The following RBFOX1 variants were observed in gnomAD, a reference collection of about 807,000 sequenced individuals.
The protein encoded by RBFOX1 is RNA binding fox-1 homolog 1.
A neutral mutation model predicts 57.7 loss-of-function variants in RBFOX1; 8 were observed. That is an observed-to-expected ratio of 0.14 (90% CI 0.08 to 0.25). RBFOX1 has a LOEUF of 0.25. Among genes scored for constraint, RBFOX1 ranks in the 10% least tolerant of loss-of-function variants. The pLI is 1.00. For missense variants in RBFOX1, 611 were observed against 548.5 expected (o/e 1.11, Z -1.14); for synonymous variants, 326 against 222.4 (o/e 1.47, Z -4.15).
In RBFOX1 at chr16:7,338,739, A is replaced by G. The variant is rs1025425413; in HGVS notation, c.28-179408A>G. Reference sequence around the variant, plus strand: ...ATAGAAACATCGGCCTTAACAATGGACAGAGAGTAACCATCCTTATAGAAA... The same window carrying G: ...ATAGAAACATCGGCCTTAACAATGGGCAGAGAGTAACCATCCTTATAGAAA... On this transcript the variant is annotated intron_variant, in intron 4 of 15. Transcript: ENST00000550418. Among the ~76,000 whole-genome samples, 44 of 152,216 alleles carry G rather than the reference A, an allele frequency of 2.9e-4. 1 individual carries two copies. The highest frequency in any genetic ancestry group is 2.2e-4 in the Non-Finnish European group (15 of 68,042).
chr16:6,257,561 C>G (rs546700578), intron 1 of RBFOX1, among the ~76,000 whole-genome samples: 4 of 152,156 alleles, frequency 2.6e-5, no homozygotes, highest in Non-Finnish European at 5.9e-5. Flanking sequence ...TTTCCTGATC[C>G]TCTCCCACTT....
At chr16:6,678,147 G>T (rs774796658) in intron 3 of RBFOX1, among the ~76,000 whole-genome samples, 2 of 152,106 alleles carry the variant, frequency 1.3e-5, no homozygotes, top group African/African-American at 2.4e-5. Flanking sequence ...TGTTTGAGAC[G>T]GAGTCTCGCT....
intron 1 of RBFOX1, among the ~76,000 whole-genome samples, chr16:6,051,600 A>C (rs1249056192): frequency 6.6e-6 from 1 of 151,938 alleles, no homozygotes; most frequent in East Asian, 1.9e-4. Flanking sequence ...AGTCTCTGTC[A>C]CCCAGACTGC....
intron 2 of RBFOX1, among the ~76,000 whole-genome samples, chr16:5,500,191 C>G (rs1473117336): frequency 8.2e-6 from 1 of 121,290 alleles, no homozygotes; most frequent in African/African-American, 5.5e-5. Context: ...CTCCCTCCCT[C>G]CCTTCATTCC....
chr16:5,634,301 T>C (rs1460877473), intron 3 of RBFOX1, among the ~76,000 whole-genome samples: 2 of 152,226 alleles, frequency 1.3e-5, no homozygotes, highest in African/African-American at 4.8e-5. Context: ...TATTTTCACT[T>C]TCTCCATACT....
At chr16:7,394,221 GC>G (rs2098098962) in intron 4 of RBFOX1, among the ~76,000 whole-genome samples, 1 of 96,528 alleles carries the variant, frequency 1.0e-5, no homozygotes, top group South Asian at 3.8e-4. Context: ...GGGCAACAGA[GC>G]AAGACTCCGC....
At chr16:7,124,661 T>G (rs1350482089) in intron 4 of RBFOX1, among the ~76,000 whole-genome samples, 1 of 150,686 alleles carries the variant, frequency 6.6e-6, no homozygotes, top group Non-Finnish European at 1.5e-5. Flanking sequence ...ACATTCTACC[T>G]AAAAACGTGA....
chr16:5,752,975 G>C (rs989747829), intron 3 of RBFOX1, among the ~76,000 whole-genome samples: 4 of 152,026 alleles, frequency 2.6e-5, no homozygotes, highest in East Asian at 1.9e-4. Context: ...AACATAGTGA[G>C]ACCTCATCAC....
intron 3 of RBFOX1, among the ~76,000 whole-genome samples, chr16:6,808,495 T>C (rs1347455590): frequency 1.3e-5 from 2 of 152,040 alleles, no homozygotes; most frequent in Admixed American, 1.3e-4. Flanking sequence ...AGATGGAAAA[T>C]AAAACAGCAC....
intron 12 of RBFOX1, among the ~76,000 whole-genome samples, chr16:7,655,753 T>C (rs1215082313): frequency 4.6e-5 from 7 of 152,152 alleles, no homozygotes; most frequent in Non-Finnish European, 5.9e-5. Context: ...GTTGAAGGGT[T>C]TTAGTATATC....
intron 3 of RBFOX1, among the ~76,000 whole-genome samples, chr16:7,012,359 C>G (rs949753817): frequency 1.3e-5 from 2 of 152,154 alleles, no homozygotes; most frequent in Non-Finnish European, 2.9e-5. Context: ...CAGGTCTCTT[C>G]AATTCCATCA....
chr16:6,594,203 G>C (rs2097754740), intron 2 of RBFOX1, among the ~76,000 whole-genome samples: 1 of 152,052 alleles, frequency 6.6e-6, no homozygotes, highest in Admixed American at 6.5e-5. Flanking sequence ...TGCCCAGGAA[G>C]GTGCTTCCAG....
rs572526307 is a variant in RBFOX1 at position 7,068,681 on chromosome 16, G to A, written c.27+16583G>A. Among the ~76,000 whole-genome samples, 169 of 152,190 alleles carry A rather than the reference G, an allele frequency of 1.1e-3. 1 individual carries two copies. The highest frequency in any genetic ancestry group is 3.8e-3 in the African/African-American group (159 of 41,532). On this transcript the variant is annotated intron_variant, in intron 4 of 15. Coordinates refer to ENST00000550418, the MANE Select transcript of RBFOX1 (RefSeq NM_018723.4). The stretch of plus-strand genomic sequence containing the variant: ...AGTTCATTGCAACCTCTGCCCCTCC[G>A]GGTTCAGGAGATTCTCCTGTCTCAG...
intron 1 of RBFOX1, chr16:6,090,199 T>C (rs1380855619): frequency 6.6e-6 from 1 of 152,310 alleles, no homozygotes; most frequent in East Asian, 1.9e-4. Flanking sequence ...TTCTAGGTTT[T>C]AAGGAGACTT....
chr16:5,319,850 C>T (rs2064353453), intron 1 of RBFOX1, among the ~76,000 whole-genome samples: 1 of 152,194 alleles, frequency 6.6e-6, no homozygotes, highest in Non-Finnish European at 1.5e-5. Context: ...ACATCATGCT[C>T]TGGGTCCTGG....
intron 3 of RBFOX1, among the ~76,000 whole-genome samples, chr16:6,749,343 C>T (rs2074441546): frequency 6.6e-6 from 1 of 152,174 alleles, no homozygotes; most frequent in African/African-American, 2.4e-5. Flanking sequence ...CACACAGCGC[C>T]TGGTTCAAAG....
At position 5,425,796 on chromosome 16, in the gene RBFOX1, C is replaced by T. The variant is rs150392335; in HGVS notation, c.220-41420C>T. Reference sequence around the variant, plus strand: ...CTTCCAGATCACCTGGAACCCCCCACGTCCCTGAAAGCTGGGCTTGGCGAG... The same window carrying T: ...CTTCCAGATCACCTGGAACCCCCCATGTCCCTGAAAGCTGGGCTTGGCGAG... On this transcript the variant is annotated intron_variant, in intron 1 of 2. Transcript: ENST00000585867. Among the ~76,000 whole-genome samples, 435 of 152,266 alleles carry T rather than the reference C, an allele frequency of 2.9e-3. 6 individuals carry two copies. Among genetic ancestry groups the T allele is most frequent in the Admixed American group, 0.026 (391 of 15,294 alleles).
chr16:5,259,159 T>C (rs1044847745), intron 1 of RBFOX1, among the ~76,000 whole-genome samples: 13 of 151,886 alleles, frequency 8.6e-5, no homozygotes, highest in African/African-American at 2.4e-4. Context: ...CCTGGGACAG[T>C]AATGAATATT....
intron 4 of RBFOX1, among the ~76,000 whole-genome samples, chr16:7,138,579 C>T (rs921041414): frequency 6.6e-6 from 1 of 152,186 alleles, no homozygotes; most frequent in African/African-American, 2.4e-5. Context: ...CTCATCCCCA[C>T]TTTTCCTTCA....
Sources: allele counts gnomAD v4.1 joint callset (sites outside exome capture counted in the v4.1 genomes callset), GRCh38; gene constraint gnomAD v4.1.1; transcripts MANE v1.5; gene names NCBI Gene and HGNC (gene_info 2026-07-23, HGNC 2026-07-21).